NSD2: variants seen among roughly 807,000 people sequenced by gnomAD.
NSD2 encodes the protein histone-lysine N-methyltransferase NSD2.
In NSD2, 12 loss-of-function variants were observed where a neutral mutation model predicts 139.0. The ratio of observed to expected loss-of-function variants is 0.09; its 90% CI spans 0.06 to 0.14. The LOEUF (loss-of-function observed/expected upper bound fraction) is 0.14. Ranked by LOEUF, NSD2 falls within the 10% of genes least tolerant of loss-of-function variation. The pLI is 1.00. For missense variants in NSD2, 1,155 were observed against 1,745.0 expected (o/e 0.66, Z 6.02); for synonymous variants, 669 against 648.7 (o/e 1.03, Z -0.48).
At chr4:1,882,286 G>A (rs1714758520) in intron 1 of NSD2, among the ~76,000 whole-genome samples, 1 of 152,200 alleles carries the variant, frequency 6.6e-6, no homozygotes, top group African/African-American at 2.4e-5. Flanking sequence ...ACTTCTGAGT[G>A]GAAGCGCTGA....
chr4:1,970,833 A>G (rs1726391584), intron 18 of NSD2, among the ~76,000 whole-genome samples: 1 of 152,248 alleles, frequency 6.6e-6, no homozygotes, highest in Admixed American at 6.5e-5. Flanking sequence ...GGCCGCCAAC[A>G]GGACAGGACG....
Position 1,958,946 on chromosome 4 carries a change from G to T in NSD2, c.2986-525G>T, listed in dbSNP as rs575682484. Among the ~76,000 whole-genome samples the T allele has an allele frequency of 1.7e-4, 26 of 152,300 alleles. No homozygotes were observed. Among genetic ancestry groups the T allele is most frequent in the African/African-American group, 6.0e-4 (25 of 41,572 alleles). ...GTCTCTACTGCTTTGTTATTTGGTT[G>T]CTTGTCTTTCACTAATAGTAAACCA... On this transcript the variant is annotated intron_variant, in intron 16 of 21. Transcript: ENST00000508803. The surrounding 1 kb of genome is among the most constrained non-coding windows in gnomAD (Gnocchi z 4.6).
intron 9 of NSD2, chr4:1,944,839 C>T (rs775515493): frequency 6.6e-6 from 7 of 1,063,274 alleles, no homozygotes; most frequent in Non-Finnish European, 8.0e-6. Context: ...TTTCAGCATA[C>T]TGACTCCAGG....
intron 9 of NSD2, chr4:1,947,087 T>C (rs542057441): frequency 9.4e-7 from 1 of 1,064,760 alleles, no homozygotes; most frequent in Admixed American, 5.3e-5. Flanking sequence ...AGGTGTATTG[T>C]GGGCAGTTTT....
chr4:1,915,054 C>A (rs940066911), intron 3 of NSD2, among the ~76,000 whole-genome samples: 2 of 146,614 alleles, frequency 1.4e-5, no homozygotes, highest in Non-Finnish European at 3.0e-5. Context: ...TTTTTTTCTT[C>A]TTTCTGGGAG....
rs796261936 is a variant in NSD2 at position 1,875,738 on chromosome 4, T to TAA, written c.-30+4207_-30+4208dup. 6.7e-3 allele frequency among the ~76,000 whole-genome samples: 931 copies of TAA among 137,942 alleles called. 12 individuals carry two copies. The highest frequency in any genetic ancestry group is 0.024 in the African/African-American group (883 of 37,450). 90.5% of individuals were successfully genotyped at this position (137,942 alleles called of 152,430 possible). On this transcript the variant is annotated intron_variant, in intron 1 of 21. Coordinates refer to ENST00000508803, the MANE Select transcript of NSD2 (RefSeq NM_001042424.3). ...TAACATGATGAAACCCCGTTTCTACTAAAAAAAAAAAATACAAAAAATTAG... is the reference window on the plus strand; with the variant it reads ...TAACATGATGAAACCCCGTTTCTACTAAAAAAAAAAAAAATACAAAAAATTAG...
chr4:1,891,788 C>T (rs1055041530), intron 1 of NSD2, among the ~76,000 whole-genome samples: 41 of 146,628 alleles, frequency 2.8e-4, no homozygotes, highest in African/African-American at 7.6e-5. Context: ...ACACGGGAGG[C>T]GGAGCTTGCA....
In NSD2 at chr4:1,979,090, C is replaced by T. The variant is rs1727476661; in HGVS notation, c.*181C>T. ...GAGCCATCCTCAGCAGCGTCCGCTG[C>T]GTCTGCACTGATGACCGTCTGAGCC... On this transcript the variant is annotated 3_prime_UTR_variant, in exon 22 of 22. Transcript: ENST00000508803. 3.0e-6 allele frequency: 2 copies of T among 670,960 alleles called. No homozygotes were observed. Among genetic ancestry groups the T allele is most frequent in the East Asian group, 3.2e-5 (1 of 31,516 alleles). 41.6% of individuals were successfully genotyped at this position (670,960 alleles called of 1,614,324 possible).
chr4:1,878,247 A>ATTTTTTTTTTTTTTTTTTTTTTT, intron 1 of NSD2, among the ~76,000 whole-genome samples: 1 of 37,138 alleles, frequency 2.7e-5, no homozygotes, highest in Non-Finnish European at 4.7e-5. Context: ...ATATATATAT[A>ATTTTTTTTTTTTTTTTTTTTTTT]TATATTTTTT....
chr4:1,920,887 A>G (rs1449416719), intron 5 of NSD2, among the ~76,000 whole-genome samples: 1 of 151,974 alleles, frequency 6.6e-6, no homozygotes, highest in Non-Finnish European at 1.5e-5. Context: ...AATTTTTTTT[A>G]ATTAGCCAGA....
intron 1 of NSD2, among the ~76,000 whole-genome samples, chr4:1,883,490 G>A (rs1714852147): frequency 1.3e-5 from 2 of 152,066 alleles, no homozygotes; most frequent in Non-Finnish European, 2.9e-5. Flanking sequence ...AAAATAGCTG[G>A]GCGTGGTGGC....
At chr4:1,947,385 A>G (rs1305968629) in intron 9 of NSD2, 15 of 1,061,208 alleles carry the variant, frequency 1.4e-5, no homozygotes, top group Admixed American at 1.1e-4. Flanking sequence ...TGTGCAGGTT[A>G]GAAGACGACT....
intron 18 of NSD2, among the ~76,000 whole-genome samples, chr4:1,971,703 G>A (rs1726499962): frequency 6.6e-6 from 1 of 152,234 alleles, no homozygotes; most frequent in East Asian, 1.9e-4. Context: ...CAGCCGGTGG[G>A]GTGCACCTGA....
At chr4:1,887,697 T>C (rs1379263731) in intron 1 of NSD2, 1 of 152,186 alleles carries the variant, frequency 6.6e-6, no homozygotes, top group Non-Finnish European at 1.5e-5. Flanking sequence ...CAAGGTTTGG[T>C]TTAAATGAAT....
In NSD2 at chr4:1,957,921, T is replaced by C. The variant is rs1369714611; in HGVS notation, c.2882-12T>C. ...TACTAAAATCTTTACTCCTATTTCA[T>C]TGACTTTTTAGCACTGCAAGAAGCT... On this transcript the variant is annotated splice_polypyrimidine_tract_variant and intron_variant, in intron 15 of 21. Transcript: ENST00000508803. 2 of 1,612,632 alleles carry C rather than the reference T, an allele frequency of 1.2e-6. No homozygotes were observed. Among genetic ancestry groups the C allele is most frequent in the Non-Finnish European group, 1.7e-6 (2 of 1,179,228 alleles).
In NSD2 at chr4:1,930,724, C is replaced by T; in HGVS notation, c.1509C>T (p.Asn503=). The change falls in exon 6 of 22, where the codon AAC becomes AAT. Residue 503 remains asparagine (N), a synonymous_variant. Coordinates refer to ENST00000508803, the MANE Select transcript of NSD2 (RefSeq NM_001042424.3). ...LLSEKQRARY[N]TKFALVAPVQ... ...GTGAGAAGCAGAGAGCACGCTACAA[C>T]ACCAAGTTTGCCCTGGTGGCCCCTG... 2.5e-6 allele frequency: 4 copies of T among 1,613,952 alleles called. No homozygotes were observed. The highest frequency in any genetic ancestry group is 2.7e-5 in the African/African-American group (2 of 75,006).
rs748089712 is a variant in NSD2, at chr4:1,901,178, A to G, written c.524A>G (p.Tyr175Cys). 6 of 1,613,384 alleles carry G rather than the reference A, an allele frequency of 3.7e-6. No individual in the cohort carries two copies. The African/African-American group carries it at 4.0e-5, about 11-fold the overall frequency. The part of the protein sequence containing the change: ...ARRNRKRSIK[Y>C]DSLLEQGLVE... ...AGGAACAGGAAGAGGAGCATAAAAT[A>G]TGACTCCTTGCTGGAGCAGGGCCTT... The change falls in exon 2 of 22, where the codon TAT (tyrosine) becomes TGT (cysteine). Residue 175 changes from tyrosine to cysteine, a missense_variant. By Grantham distance (194) the Tyr-to-Cys change is radical. Around this residue, in one of 8 missense-constraint regions of NSD2, gnomAD observed 246 missense variants for 262.8 expected, o/e 0.94. Coordinates refer to ENST00000508803, the MANE Select transcript of NSD2 (RefSeq NM_001042424.3).
chr4:1,975,565 G>A, intron 20 of NSD2, 165 bp downstream of exon 20: 1 of 618,198 alleles, frequency 1.6e-6, no homozygotes, highest in Non-Finnish European at 2.9e-6. Context: ...TCTCAACAAA[G>A]GCCAGTGGTT....
intron 7 of NSD2, among the ~76,000 whole-genome samples, chr4:1,936,960 A>C (rs1482191828): frequency 6.6e-6 from 1 of 152,166 alleles, no homozygotes; most frequent in Non-Finnish European, 1.5e-5. Flanking sequence ...TTGAGTGATC[A>C]AGTGTTCAGC....
Sources: gnomAD v4.1 joint callset for allele counts (sites outside exome capture counted in the v4.1 genomes callset) on GRCh38, gnomAD v4.1.1 for gene constraint, gnomAD v4.1.1 regional missense constraint, Gnocchi (gnomAD v3.1) non-coding constraint, MANE v1.5 for transcripts, NCBI Gene and HGNC (gene_info 2026-07-23, HGNC 2026-07-21) for gene names.